The following UBAC1 variants were observed in gnomAD, a reference collection of about 807,000 sequenced individuals.
UBAC1 encodes ubiquitin-associated domain-containing protein 1.
In UBAC1, 27 loss-of-function variants were observed where a neutral mutation model predicts 45.9. The ratio of observed to expected loss-of-function variants is 0.59; its 90% CI spans 0.43 to 0.81. The LOEUF (loss-of-function observed/expected upper bound fraction) is 0.81. Among genes scored for constraint, UBAC1 ranks in the 30% least tolerant of loss-of-function variants. UBAC1 has a pLI of 0.00. For synonymous variants in UBAC1, 227 were observed against 215.5 expected (o/e 1.05, Z -0.47); for missense variants, 529 against 539.2 (o/e 0.98, Z 0.19).
chr9:135,952,287 G>A (rs570481869), intron 3 of UBAC1, among the ~76,000 whole-genome samples: 26 of 152,402 alleles, frequency 1.7e-4, no homozygotes, highest in African/African-American at 6.0e-4. Context: ...TAGCCCAAAA[G>A]AGTTTGACCT....
chr9:135,950,441 C>T (rs1839394319), intron 3 of UBAC1, among the ~76,000 whole-genome samples: 1 of 152,224 alleles, frequency 6.6e-6, no homozygotes, highest in African/African-American at 2.4e-5. Flanking sequence ...ACCACGTTTC[C>T]AGAAGCTTTA....
At chr9:135,953,864 C>G in intron 2 of UBAC1, 111 bp from the exon 3 acceptor site, 1 of 810,364 alleles carries the variant, frequency 1.2e-6, no homozygotes, top group Non-Finnish European at 1.9e-6. Context: ...TTCGGCCGGG[C>G]GCAGTGGCTC....
In UBAC1 at chr9:135,938,360, A is replaced by G. The variant is rs758365843; in HGVS notation, c.964T>C (p.Cys322Arg). 2 of 1,612,894 alleles carry G rather than the reference A, an allele frequency of 1.2e-6. No homozygotes were observed. Among genetic ancestry groups the G allele is most frequent in the African/African-American group, 2.7e-5 (2 of 74,916 alleles). Residue 322 changes from cysteine (C) to arginine (R), a missense_variant and splice_region_variant, in exon 9 of 10, where the codon TGC (cysteine) becomes CGC (arginine). By Grantham distance (180) the Cys-to-Arg change is radical (BLOSUM62 -3). Transcript: ENST00000371756. ...TTCCGGTCCCCCAGCAGCCACTCGC[A>G]CTGCAAAGCCAAGAGCACCAATACC... ...RVNNNQQNAACEWLLGDRKPS... is the reference protein window; with the variant it reads ...RVNNNQQNAAREWLLGDRKPS...
rs943239373 is a variant in UBAC1 at position 135,945,558 on chromosome 9, G to T, written c.654-308C>A. On this transcript the variant is annotated intron_variant, in intron 6 of 9. Transcript: ENST00000371756. Reference sequence around the variant, plus strand: ...TGCCCCCGGCTGCCCCTGGATCTCGGATTATTCATTTTAGATCTGAACACA... The same window carrying T: ...TGCCCCCGGCTGCCCCTGGATCTCGTATTATTCATTTTAGATCTGAACACA... The T allele has an allele frequency of 7.9e-6, 4 of 503,458 alleles. No homozygotes were observed. In the Admixed American group the frequency reaches 1.4e-4, roughly 18 times the overall value. The allele number at this position is 503,458 out of a possible 1,614,324, so 31.2% of individuals were successfully genotyped here.
intron 9 of UBAC1, among the ~76,000 whole-genome samples, chr9:135,936,582 G>GC (rs1430803887): frequency 6.7e-6 from 1 of 149,696 alleles, no homozygotes; most frequent in African/African-American, 2.5e-5. Context: ...TGCAACCTCC[G>GC]CCCCCCAGGT....
rs1839326478 is a variant in UBAC1, at chr9:135,945,931, C to T, written c.611G>A (p.Gly204Asp). The stretch of plus-strand genomic sequence containing the variant: ...CTTGGTGGCTCTGTTCTCCGGAAAG[C>T]CCATCTCCGTGAGCTGCCGCAGGGC... ...EAALRQLTEM[G>D]FPENRATKAL... Residue 204 changes from glycine to aspartate, a missense_variant, in exon 6 of 10, where the codon GGC becomes GAC. Gly to Asp is a moderately conservative substitution (Grantham distance 94). Coordinates refer to ENST00000371756, the MANE Select transcript of UBAC1 (RefSeq NM_016172.3). The T allele has an allele frequency of 3.7e-6, 6 of 1,613,926 alleles. No individual in the cohort carries two copies. The South Asian group carries it at 6.6e-5, about 18-fold the overall frequency.
chr9:135,939,625 C>T, intron 8 of UBAC1, 48 bp downstream of exon 8: 2 of 1,569,490 alleles, frequency 1.3e-6, no homozygotes, highest in African/African-American at 1.3e-5. Flanking sequence ...CCACAGCCCA[C>T]ACTCACTCAC....
intron 7 of UBAC1, among the ~76,000 whole-genome samples, chr9:135,944,459 G>A (rs547705677): frequency 7.0e-4 from 106 of 152,344 alleles, no homozygotes; most frequent in Admixed American, 2.2e-3. Flanking sequence ...AACCTCCAAG[G>A]AGGAAGTAAA....
At chr9:135,956,447 G>A (rs1839466966) in intron 1 of UBAC1, among the ~76,000 whole-genome samples, 1 of 152,176 alleles carries the variant, frequency 6.6e-6, no homozygotes, top group South Asian at 2.1e-4. Context: ...ATTTTGTGAA[G>A]AATGGCAAAC....
chr9:135,954,104 A>C (rs1839437972), intron 2 of UBAC1, among the ~76,000 whole-genome samples: 1 of 147,850 alleles, frequency 6.8e-6, no homozygotes, highest in Non-Finnish European at 1.5e-5. Context: ...GCACCACTGC[A>C]CTCCAGCCTG....
intron 7 of UBAC1, among the ~76,000 whole-genome samples, chr9:135,943,340 C>G (rs763403059): frequency 6.6e-5 from 10 of 152,116 alleles, no homozygotes; most frequent in Non-Finnish European, 1.3e-4. Flanking sequence ...AAGAATCCAG[C>G]CTGGGCGACA....
chr9:135,947,527 G>A (rs556522805), intron 4 of UBAC1: 39 of 383,634 alleles, frequency 1.0e-4, no homozygotes, highest in Middle Eastern at 6.8e-4. Flanking sequence ...CTATCTAAAC[G>A]TTTTGCCAAA....
Position 135,938,372 on chromosome 9 carries a change from A to G in UBAC1, c.964-12T>C, listed in dbSNP as rs1839224868. The G allele has an allele frequency of 1.2e-6, 2 of 1,611,982 alleles. No individual in the cohort carries two copies. Among genetic ancestry groups the G allele is most frequent in the Non-Finnish European group, 1.7e-6 (2 of 1,179,632 alleles). ...AGCAGCCACTCGCACTGCAAAGCCAAGAGCACCAATACCACTGTTAGCGCC... is the reference window on the plus strand; with the variant it reads ...AGCAGCCACTCGCACTGCAAAGCCAGGAGCACCAATACCACTGTTAGCGCC... On this transcript the variant is annotated splice_polypyrimidine_tract_variant and intron_variant, in intron 8 of 9. Coordinates refer to ENST00000371756, the MANE Select transcript of UBAC1 (RefSeq NM_016172.3).
At chr9:135,959,437 C>T (rs1163277596) in intron 1 of UBAC1, among the ~76,000 whole-genome samples, 1 of 143,410 alleles carries the variant, frequency 7.0e-6, no homozygotes, top group African/African-American at 2.6e-5. Flanking sequence ...TGCAGTGGCG[C>T]GATCTCATCT....
intron 9 of UBAC1, among the ~76,000 whole-genome samples, chr9:135,936,267 C>T (rs1297324166): frequency 3.3e-5 from 5 of 151,816 alleles, no homozygotes; most frequent in African/African-American, 1.2e-4. Context: ...AGCTGGAGAG[C>T]TAGGAGGAAT....
At chr9:135,944,171 G>A (rs965316190) in intron 7 of UBAC1, among the ~76,000 whole-genome samples, 19 of 152,158 alleles carry the variant, frequency 1.2e-4, no homozygotes, top group Non-Finnish European at 4.4e-5. Flanking sequence ...TTGTCTCCAC[G>A]GAACCCTGTG....
chr9:135,944,760 C>G (rs989492313), intron 7 of UBAC1, among the ~76,000 whole-genome samples: 1 of 152,228 alleles, frequency 6.6e-6, no homozygotes, highest in African/African-American at 2.4e-5. Context: ...ACGAATGTGG[C>G]AACACAGAGG....
intron 3 of UBAC1, among the ~76,000 whole-genome samples, chr9:135,952,467 T>C (rs950273825): frequency 9.2e-5 from 14 of 152,236 alleles, no homozygotes; most frequent in Non-Finnish European, 1.6e-4. Context: ...GACACGCCAC[T>C]TGCAGAACGC....
Position 135,955,339 on chromosome 9 carries a change from A to G in UBAC1, c.215T>C (p.Leu72Pro). ...KLIHAASERV[L>P]SDARTILEEN... ...TTCCAGGATGGTCCTGGCATCACTC[A>G]GCACCCTCTCTGAGGCAGCGTGGAT... Residue 72 changes from leucine (L) to proline (P), a missense_variant, in exon 2 of 10, where the codon CTG becomes CCG. Coordinates refer to ENST00000371756, the MANE Select transcript of UBAC1 (RefSeq NM_016172.3). 6.2e-7 allele frequency: 1 copy of G among 1,608,306 alleles called. No homozygotes were observed. Among genetic ancestry groups the G allele is most frequent in the Non-Finnish European group, 8.5e-7 (1 of 1,178,540 alleles).
Sources: allele counts gnomAD v4.1 joint callset (sites outside exome capture counted in the v4.1 genomes callset), GRCh38; gene constraint gnomAD v4.1.1; transcripts MANE v1.5; gene names NCBI Gene and HGNC (gene_info 2026-07-23, HGNC 2026-07-21).